CLXN: variants seen among roughly 807,000 people sequenced by gnomAD.
CLXN encodes EF-hand calcium binding domain 1.
chr8:48,726,407 G>T, the CLXN span, among the ~76,000 whole-genome samples: 3 of 121,682 alleles, frequency 2.5e-5, no homozygotes, highest in Non-Finnish European at 3.4e-5. Flanking sequence ...CCATCCATCT[G>T]CTCACCTCAT....
chr8:48,734,691 G>A, the CLXN span: 1 of 166,990 alleles, frequency 6.0e-6, no homozygotes. Flanking sequence ...GGACCTGCGG[G>A]TGTATGTGCG....
At chr8:48,725,418 T>C in the CLXN span, among the ~76,000 whole-genome samples, 2 of 152,184 alleles carry the variant, frequency 1.3e-5, no homozygotes, top group African/African-American at 4.8e-5. Flanking sequence ...AAGTAATAAG[T>C]GTGAAATTAA....
chr8:48,725,858 G>A, the CLXN span, among the ~76,000 whole-genome samples: 2 of 151,300 alleles, frequency 1.3e-5, no homozygotes, highest in East Asian at 3.9e-4. Flanking sequence ...AATTCTAATC[G>A]GAAGGTTTCA....
chr8:48,731,693 A>T, the CLXN span, among the ~76,000 whole-genome samples: 1 of 94,544 alleles, frequency 1.1e-5, no homozygotes, highest in Non-Finnish European at 2.1e-5. Context: ...ATACCCTCCA[A>T]ACAGGAATTC....
the CLXN span, among the ~76,000 whole-genome samples, chr8:48,714,530 AGAG>A: frequency 1.4e-4 from 21 of 152,254 alleles, no homozygotes; most frequent in African/African-American, 5.1e-4. Context: ...AAGTAATAAA[AGAG>A]GGTTATTCAT....
chr8:48,729,882 A>C, the CLXN span: 8 of 1,598,084 alleles, frequency 5.0e-6, no homozygotes, highest in Non-Finnish European at 6.8e-6. Context: ...CTTTTTAAGA[A>C]AATAACAAAT....
At chr8:48,732,645 G>C in the CLXN span, among the ~76,000 whole-genome samples, 1 of 152,136 alleles carries the variant, frequency 6.6e-6, no homozygotes, top group East Asian at 1.9e-4. Context: ...CAGAAGAACT[G>C]AAAGCAGGAA....
At chr8:48,731,640 GA>G in the CLXN span, 1 of 661,448 alleles carries the variant, frequency 1.5e-6, no homozygotes, top group Non-Finnish European at 2.4e-6. Context: ...CTCCTGTTTT[GA>G]GATTCATGAA....
the CLXN span, among the ~76,000 whole-genome samples, chr8:48,728,482 T>C: frequency 6.6e-6 from 1 of 152,100 alleles, no homozygotes; most frequent in Non-Finnish European, 1.5e-5. Flanking sequence ...TCTACACATA[T>C]CTCTATGACT....
the CLXN span, among the ~76,000 whole-genome samples, chr8:48,719,043 C>T: frequency 6.6e-5 from 10 of 150,732 alleles, no homozygotes; most frequent in African/African-American, 1.7e-4. Flanking sequence ...GACAAACACC[C>T]GGTCAGACTA....
chr8:48,730,492 A>G, the CLXN span: 1 of 1,272,362 alleles, frequency 7.9e-7, no homozygotes, highest in South Asian at 1.3e-5. Flanking sequence ...AGTGCTTTAG[A>G]TATGTTATTC....
At chr8:48,720,427 G>A in the CLXN span, among the ~76,000 whole-genome samples, 4 of 152,084 alleles carry the variant, frequency 2.6e-5, no homozygotes, top group Admixed American at 6.5e-5. Flanking sequence ...ATAAATGGCC[G>A]CTCTAGGAAT....
At chr8:48,734,209 G>C in the CLXN span, among the ~76,000 whole-genome samples, 755 of 152,216 alleles carry the variant, frequency 5.0e-3, 3 homozygotes, top group African/African-American at 0.018. Flanking sequence ...GAGCGACTCG[G>C]TTATTTGGGG....
chr8:48,714,951 A>G, the CLXN span: 2 of 152,240 alleles, frequency 1.3e-5, no homozygotes, highest in Non-Finnish European at 2.9e-5. Context: ...TAATAAAGTC[A>G]GTCATGATGG....
chr8:48,720,891 CT>C, the CLXN span, among the ~76,000 whole-genome samples: 4 of 152,286 alleles, frequency 2.6e-5, no homozygotes, highest in African/African-American at 9.6e-5. Context: ...TGCTGTCTCT[CT>C]TTATTTCTCA....
chr8:48,722,640 C>T, the CLXN span, among the ~76,000 whole-genome samples: 4 of 152,174 alleles, frequency 2.6e-5, no homozygotes, highest in South Asian at 2.1e-4. Flanking sequence ...GCAATTACTG[C>T]CCCGTGCATT....
chr8:48,716,747 G>C, the CLXN span, among the ~76,000 whole-genome samples: 3 of 151,692 alleles, frequency 2.0e-5, no homozygotes, highest in African/African-American at 7.3e-5. Flanking sequence ...GGTCATTTGA[G>C]ATTATCCAGT....
At chr8:48,712,770 G>A in the CLXN span, among the ~76,000 whole-genome samples, 2 of 152,136 alleles carry the variant, frequency 1.3e-5, no homozygotes, top group African/African-American at 4.8e-5. Flanking sequence ...GGAGGCTGAG[G>A]AGGGCAGATC....
At chr8:48,731,326 T>G in the CLXN span, 1 of 1,568,710 alleles carries the variant, frequency 6.4e-7, no homozygotes, top group Non-Finnish European at 8.6e-7. Context: ...TTTGGCTAAT[T>G]TGAATCTTGT....
Sources: gnomAD v4.1 joint callset for allele counts (sites outside exome capture counted in the v4.1 genomes callset) on GRCh38, gnomAD v4.1.1 for gene constraint, MANE v1.5 for transcripts, NCBI Gene and HGNC (gene_info 2026-07-23, HGNC 2026-07-21) for gene names.